CDK5RAP2: variants seen among roughly 807,000 people sequenced by gnomAD.
The protein encoded by CDK5RAP2 is CDK5 regulatory subunit associated protein 2.
Under a neutral mutation model 232.9 loss-of-function variants are expected in CDK5RAP2, and 147 were observed. The ratio of observed to expected loss-of-function variants is 0.63; its 90% CI spans 0.55 to 0.72. CDK5RAP2 has a LOEUF of 0.72. CDK5RAP2 is among the 30% of genes least tolerant of loss of function. The pLI is 0.00. For synonymous variants in CDK5RAP2, 833 were observed against 833.7 expected, an observed-to-expected ratio of 1.00 and a Z score of 0.01; for missense variants, 2,195 against 2,231.5, an observed-to-expected ratio of 0.98 and a Z score of 0.33.
intron 14 of CDK5RAP2, 125 bp from the exon 15 acceptor site, chr9:120,477,575 G>A: frequency 1.3e-6 from 1 of 774,424 alleles, no homozygotes; most frequent in African/African-American, 1.7e-5. Flanking sequence ...GAGGCCCTGT[G>A]CCTGGCTCTG....
intron 14 of CDK5RAP2, 120 bp downstream of exon 14, chr9:120,487,174 A>T: frequency 9.6e-7 from 1 of 1,041,112 alleles, no homozygotes; most frequent in Non-Finnish European, 1.5e-6. Context: ...TACCTGTTGT[A>T]GGCTCAGTTA....
intron 15 of CDK5RAP2, among the ~76,000 whole-genome samples, chr9:120,476,651 C>G (rs1299914171): frequency 2.0e-5 from 3 of 151,114 alleles, no homozygotes; most frequent in Non-Finnish European, 2.9e-5. Flanking sequence ...TGCACTCCAG[C>G]CTGGGCAACA....
chr9:120,482,384 C>A (rs1436433406), intron 14 of CDK5RAP2, among the ~76,000 whole-genome samples: 2 of 152,212 alleles, frequency 1.3e-5, no homozygotes, highest in Non-Finnish European at 2.9e-5. Flanking sequence ...TTTCAGGCCA[C>A]CATTCTCCTC....
intron 22 of CDK5RAP2, 51 bp from the exon 23 acceptor site, chr9:120,443,793 A>T: frequency 6.2e-7 from 1 of 1,610,702 alleles, no homozygotes; most frequent in South Asian, 1.1e-5. Context: ...GTAAGACCTG[A>T]AACTTAGCCA....
intron 6 of CDK5RAP2, among the ~76,000 whole-genome samples, chr9:120,536,978 G>GAA (rs879745635): frequency 1.2e-4 from 13 of 106,134 alleles, no homozygotes; most frequent in Admixed American, 1.9e-4. Context: ...ATTCAGTTGG[G>GAA]AAAAAAAAAA....
chr9:120,485,049 A>G (rs544009847), intron 14 of CDK5RAP2, among the ~76,000 whole-genome samples: 3 of 152,202 alleles, frequency 2.0e-5, no homozygotes, highest in South Asian at 4.2e-4. Flanking sequence ...ACAATTTGCA[A>G]TTCATCTTGT....
At chr9:120,502,417 C>T (rs1050231851) in intron 12 of CDK5RAP2, among the ~76,000 whole-genome samples, 1 of 152,190 alleles carries the variant, frequency 6.6e-6, no homozygotes, top group Non-Finnish European at 1.5e-5. Flanking sequence ...CTATCAGAAC[C>T]ATATTTTGAT....
intron 34 of CDK5RAP2, among the ~76,000 whole-genome samples, chr9:120,402,370 A>G (rs1234921370): frequency 6.6e-6 from 1 of 152,238 alleles, no homozygotes; most frequent in African/African-American, 2.4e-5. Flanking sequence ...GTTCATGAAC[A>G]GAGATAGAAT....
chr9:120,400,578 CAAGT>C lies in CDK5RAP2; in HGVS notation c.5451+160_5451+163del, dbSNP rs2032915684. On this transcript the variant is annotated intron_variant, in intron 35 of 37. Transcript: ENST00000349780. Reference sequence around the variant, plus strand: ...ATGGCTACAGGAGTGTGGGACGGATCAAGTAAGAACACAGTGAAGCCATGGCAAA... The same window carrying C: ...ATGGCTACAGGAGTGTGGGACGGATCAAGAACACAGTGAAGCCATGGCAAA... Among the ~76,000 whole-genome samples, 3 of 152,182 alleles carry C rather than the reference CAAGT, an allele frequency of 2.0e-5. No homozygotes were observed. The South Asian group carries it at 6.2e-4, about 32-fold the overall frequency.
intron 21 of CDK5RAP2, among the ~76,000 whole-genome samples, chr9:120,450,839 GAC>G (rs2036444131): frequency 6.6e-6 from 1 of 152,326 alleles, no homozygotes; most frequent in Non-Finnish European, 1.5e-5. Flanking sequence ...TCAGACCTCA[GAC>G]TAGCTCTTCA....
In CDK5RAP2 at chr9:120,536,454, G is replaced by A. The variant is rs371536924; in HGVS notation, c.580C>T (p.Arg194Cys). 49 of 1,613,966 alleles carry A rather than the reference G, an allele frequency of 3.0e-5. No homozygotes were observed. Among genetic ancestry groups the A allele is most frequent in the Non-Finnish European group, 3.7e-5 (44 of 1,179,992 alleles). The change falls in exon 7 of 38, where the codon CGT (arginine) becomes TGT (cysteine). Residue 194 changes from arginine (R) to cysteine (C), a missense_variant. Arg to Cys is a radical substitution (Grantham distance 180). Transcript: ENST00000349780. ...GTETEKALRL[R>C]LESKLSEMKK... ...ATCTCTGAAAGCTTGCTTTCCAAAC[G>A]CAACCGAAGAGCCTTCTCCGTCTCT... is the stretch of plus-strand genomic sequence containing the variant.
intron 14 of CDK5RAP2, among the ~76,000 whole-genome samples, chr9:120,479,108 A>G (rs1564277050): frequency 6.6e-6 from 1 of 152,224 alleles, no homozygotes; most frequent in Non-Finnish European, 1.5e-5. Context: ...TGATTTGAGC[A>G]TTGAAATAAT....
At position 120,403,827 on chromosome 9, in the gene CDK5RAP2, C is replaced by A. The variant is rs190351285; in HGVS notation, c.5041+209G>T. ...ATTTTAATCTAAGGCAAGAGGGACC[C>A]AATGATGTTCTAACCTTGGTAACAC... On this transcript the variant is annotated intron_variant, in intron 33 of 37. Coordinates refer to ENST00000349780, the MANE Select transcript of CDK5RAP2 (RefSeq NM_018249.6). This position sits in a 1 kb window ranked among gnomAD's most constrained non-coding sequence, Gnocchi z 4.2. Among the ~76,000 whole-genome samples the A allele has an allele frequency of 2.1e-4, 32 of 152,244 alleles. No individual in the cohort carries two copies. In the East Asian group the frequency reaches 5.6e-3, roughly 27 times the overall value.
intron 26 of CDK5RAP2, 121 bp downstream of exon 26, chr9:120,422,572 C>T: frequency 1.3e-6 from 1 of 775,604 alleles, no homozygotes; most frequent in South Asian, 1.4e-5. Context: ...ATGTTTATAC[C>T]TTATTTACAA....
Position 120,498,125 on chromosome 9 carries a change from C to T in CDK5RAP2, c.1312-6648G>A, listed in dbSNP as rs76894555. Among the ~76,000 whole-genome samples, 647 of 152,318 alleles carry T rather than the reference C, an allele frequency of 4.2e-3. 5 individuals are homozygous for T. Among genetic ancestry groups the T allele is most frequent in the African/African-American group, 6.1e-3 (253 of 41,562 alleles). ...GCTAAACTGTCACAGCTGTGGATCA[C>T]GTGCTTGCCCTTTCCCATATTCTCA... On this transcript the variant is annotated intron_variant, in intron 12 of 37. Transcript: ENST00000349780.
intron 18 of CDK5RAP2, among the ~76,000 whole-genome samples, chr9:120,465,182 T>C (rs1378362122): frequency 6.6e-6 from 1 of 152,232 alleles, no homozygotes; most frequent in African/African-American, 2.4e-5. Flanking sequence ...TGCCAGGACC[T>C]GTGCCACATG....
At chr9:120,428,526 C>T (rs1447968986) in intron 25 of CDK5RAP2, among the ~76,000 whole-genome samples, 5 of 152,158 alleles carry the variant, frequency 3.3e-5, no homozygotes, top group Non-Finnish European at 7.3e-5. Flanking sequence ...ATAAATTCCT[C>T]GACACATACA....
chr9:120,440,752 A>T (rs1264518038), intron 23 of CDK5RAP2, among the ~76,000 whole-genome samples: 1 of 152,220 alleles, frequency 6.6e-6, no homozygotes, highest in African/African-American at 2.4e-5. Context: ...GGCGTCTAGT[A>T]CAGAACCTAA....
At chr9:120,528,830 G>T (rs754581045) in intron 8 of CDK5RAP2, 33 bp from the exon 9 acceptor site, 2 of 1,510,528 alleles carry the variant, frequency 1.3e-6, no homozygotes, top group Non-Finnish European at 1.8e-6. Flanking sequence ...GTGAAGAAGG[G>T]ACGTGCAATC....
Sources: allele counts gnomAD v4.1 joint callset (sites outside exome capture counted in the v4.1 genomes callset), GRCh38; gene constraint gnomAD v4.1.1; non-coding constraint Gnocchi (gnomAD v3.1); transcripts MANE v1.5; gene names NCBI Gene and HGNC (gene_info 2026-07-23, HGNC 2026-07-21).